DDX52: variants seen among roughly 807,000 people sequenced by gnomAD.
DDX52 encodes probable ATP-dependent RNA helicase DDX52.
Under a neutral mutation model 76.1 loss-of-function variants are expected in DDX52, and 59 were observed. The ratio of observed to expected loss-of-function variants is 0.78; its 90% CI spans 0.63 to 0.96. DDX52 has a LOEUF of 0.96. Among genes scored for constraint, DDX52 ranks in the 40% least tolerant of loss-of-function variants. The pLI, the probability that DDX52 is intolerant of heterozygous loss-of-function variation, is 0.00. For synonymous variants in DDX52, 231 were observed against 244.1 expected (o/e 0.95, Z 0.50); for missense variants, 707 against 703.9 (o/e 1.00, Z -0.05).
chr17:37,615,476 G>A lies in DDX52; in HGVS notation c.1743-1123C>T, dbSNP rs573489605. ...GCAGATCGCTTGAGTCCAGGAGTTT[G>A]AGACCAGCCTGGGCAATATGGCAAA... is the stretch of plus-strand genomic sequence containing the variant. On this transcript the variant is annotated intron_variant, in intron 14 of 14. Transcript: ENST00000617633. 2.6e-5 allele frequency among the ~76,000 whole-genome samples: 4 copies of A among 152,184 alleles called. No individual in the cohort carries two copies. In the South Asian group the frequency reaches 6.2e-4, roughly 24 times the overall value.
At chr17:37,636,671 T>C (rs998421217) in intron 2 of DDX52, among the ~76,000 whole-genome samples, 1 of 152,196 alleles carries the variant, frequency 6.6e-6, no homozygotes, top group Non-Finnish European at 1.5e-5. Context: ...GGTAGAAGAA[T>C]AGTGAAATCA....
chr17:37,640,819 C>G (rs919965576), intron 2 of DDX52, among the ~76,000 whole-genome samples: 63 of 151,718 alleles, frequency 4.2e-4, no homozygotes, highest in African/African-American at 1.5e-3. Context: ...AACCCCGTCT[C>G]TACTAAAAAA....
intron 7 of DDX52, 127 bp downstream of exon 7, chr17:37,626,661 C>T (rs990164146): frequency 2.4e-6 from 2 of 842,218 alleles, no homozygotes; most frequent in Non-Finnish European, 3.8e-6. Context: ...CCATTATTCT[C>T]AGTGCCAACA....
In DDX52 at chr17:37,620,988, G is replaced by A. The variant is rs370272658; in HGVS notation, c.1502-40C>T. ...ACCATTAAAAAACACATTTTGGGGG[G>A]AAGGAGGCTCTCAAAATTCATTTAT... On this transcript the variant is annotated intron_variant, in intron 11 of 14. Transcript: ENST00000617633. The A allele has an allele frequency of 8.5e-5, 133 of 1,568,288 alleles. No individual in the cohort carries two copies. The African/African-American group carries it at 1.7e-3, about 20-fold the overall frequency.
chr17:37,619,047 T>TA lies in DDX52; in HGVS notation c.1650-664dup, dbSNP rs1824878174. On this transcript the variant is annotated intron_variant, in intron 13 of 14. Transcript: ENST00000617633. ...AAAATAATTCTCAGCATATTTTACT[T>TA]ATACTGAATACTTTTAAAAGAATCT... Among the ~76,000 whole-genome samples, 3 of 152,352 alleles carry TA rather than the reference T, an allele frequency of 2.0e-5. No homozygotes were observed. The South Asian group carries it at 6.2e-4, about 32-fold the overall frequency.
chr17:37,621,606 A>G, intron 9 of DDX52, 86 bp from the exon 10 acceptor site: 1 of 1,473,178 alleles, frequency 6.8e-7, no homozygotes, highest in Non-Finnish European at 9.0e-7. Flanking sequence ...GCTTTTAAGA[A>G]CCCAATTCAA....
In DDX52 at chr17:37,632,130, T is replaced by C. The variant is rs745771318; in HGVS notation, c.586A>G (p.Ile196Val). The C allele has an allele frequency of 1.9e-6, 3 of 1,613,196 alleles. No individual in the cohort carries two copies. Among genetic ancestry groups the C allele is most frequent in the East Asian group, 2.2e-5 (1 of 44,874 alleles). Residue 196 changes from isoleucine (I) to valine (V), a missense_variant, in exon 4 of 15, where the codon ATC (isoleucine) becomes GTC (valine). Transcript: ENST00000617633. Reference sequence around the variant, plus strand: ...ATACTCACATGCAGCATAACTGGGATGGCTTGCATTTGGATTGGCGTAGGC... The same window carrying C: ...ATACTCACATGCAGCATAACTGGGACGGCTTGCATTTGGATTGGCGTAGGC... ...QMPTPIQMQA[I>V]PVMLHGRELL...
chr17:37,624,464 A>G, intron 8 of DDX52, 30 bp from the exon 9 acceptor site: 1 of 1,528,190 alleles, frequency 6.5e-7, no homozygotes, highest in Non-Finnish European at 8.8e-7. Context: ...TGTAGTTTGT[A>G]AGAGTTAATT....
intron 14 of DDX52, among the ~76,000 whole-genome samples, chr17:37,617,751 T>C (rs747437943): frequency 6.7e-6 from 1 of 149,530 alleles, no homozygotes; most frequent in African/African-American, 2.5e-5. Flanking sequence ...AATTCGAATT[T>C]ATAGAGAATT....
chr17:37,617,739 A>G (rs559103576), intron 14 of DDX52, among the ~76,000 whole-genome samples: 18 of 151,378 alleles, frequency 1.2e-4, no homozygotes, highest in African/African-American at 4.1e-4. Context: ...GGTGGGCAGT[A>G]TAATTCGAAT....
chr17:37,633,058 G>C (rs998476889), intron 3 of DDX52, among the ~76,000 whole-genome samples: 2 of 152,022 alleles, frequency 1.3e-5, no homozygotes, highest in South Asian at 4.2e-4. Flanking sequence ...AACTTGAGCA[G>C]GTCAAGAATT....
chr17:37,625,684 G>A (rs1244353062), intron 8 of DDX52, among the ~76,000 whole-genome samples: 1 of 151,962 alleles, frequency 6.6e-6, no homozygotes, highest in East Asian at 1.9e-4. Context: ...ATGATGACAG[G>A]AATGTTAATA....
In DDX52 at chr17:37,626,829, G is replaced by C; in HGVS notation, c.891C>G (p.Ile297Met). 1 of 1,611,800 alleles carries C rather than the reference G, an allele frequency of 6.2e-7. No individual in the cohort carries two copies. Among genetic ancestry groups the C allele is most frequent in the Non-Finnish European group, 8.5e-7 (1 of 1,179,372 alleles). Residue 297 changes from isoleucine (I) to methionine (M), a missense_variant, in exon 7 of 15, where the codon ATC becomes ATG. By Grantham distance (10) the Ile-to-Met change is conservative. Coordinates refer to ENST00000617633, the MANE Select transcript of DDX52 (RefSeq NM_007010.5). ...CGGGGGGATCTTGCTTTAATAAATA[G>C]ATTAGTCGATTTGGAGTAGTCACAA... ...DILVTTPNRL[I>M]YLLKQDPPGI...
intron 2 of DDX52, among the ~76,000 whole-genome samples, chr17:37,636,988 A>T (rs945038781): frequency 6.6e-6 from 1 of 152,152 alleles, no homozygotes; most frequent in Admixed American, 6.5e-5. Context: ...TTTTCAAGAT[A>T]GGGTTTTGTT....
In DDX52 at chr17:37,612,421, T is replaced by A. The variant is rs1432570437; in HGVS notation, c.*1875A>T. The A allele has an allele frequency of 2.6e-5, 4 of 152,158 alleles. No homozygotes were observed. The allele number at this position is 152,158 out of a possible 1,614,324, so 9.4% of individuals were successfully genotyped here. ...AATTTAGTATAGGTTAAGTGTGCAGTGTTTATACAAGTCTACATGTTCCAA... is the reference window on the plus strand; with the variant it reads ...AATTTAGTATAGGTTAAGTGTGCAGAGTTTATACAAGTCTACATGTTCCAA... On this transcript the variant is annotated 3_prime_UTR_variant, in exon 15 of 15. Transcript: ENST00000617633.
At chr17:37,624,484 T>G (rs774061055) in intron 8 of DDX52, 50 bp from the exon 9 acceptor site, 1 of 1,408,590 alleles carries the variant, frequency 7.1e-7, no homozygotes, top group Non-Finnish European at 9.6e-7. Flanking sequence ...TTTTGCTTTT[T>G]CCCCTGAACT....
Position 37,628,764 on chromosome 17 carries a change from A to G in DDX52, c.748-92T>C, listed in dbSNP as rs572971363. The G allele has an allele frequency of 7.1e-5, 64 of 907,296 alleles. 1 individual carries two copies. The South Asian group carries it at 1.1e-3, about 15-fold the overall frequency. The allele number at this position is 907,296 out of a possible 1,614,324, so 56.2% of individuals were successfully genotyped here. The stretch of plus-strand genomic sequence containing the variant: ...TGATTAATGAAATAAATCTATTACC[A>G]ACCCATGAATATCTGAAATTAAACT... On this transcript the variant is annotated intron_variant, in intron 5 of 14. Transcript: ENST00000617633.
At chr17:37,633,226 C>T in intron 3 of DDX52, 62 bp downstream of exon 3, 1 of 1,480,450 alleles carries the variant, frequency 6.8e-7, no homozygotes, top group Non-Finnish European at 9.0e-7. Flanking sequence ...AACCCAAATC[C>T]AGCGAATAAG....
At chr17:37,627,392 G>A (rs1034182681) in intron 6 of DDX52, among the ~76,000 whole-genome samples, 2 of 151,940 alleles carry the variant, frequency 1.3e-5, no homozygotes, top group African/African-American at 4.8e-5. Context: ...TGTATTTTTA[G>A]TAGAGATGGT....
Sources: gnomAD v4.1 joint callset for allele counts (sites outside exome capture counted in the v4.1 genomes callset) on GRCh38, gnomAD v4.1.1 for gene constraint, MANE v1.5 for transcripts, NCBI Gene and HGNC (gene_info 2026-07-23, HGNC 2026-07-21) for gene names.